Variants in NEGR1 observed in about 807,000 individuals in gnomAD.
NEGR1 encodes the protein IgLON family member 4.
In NEGR1, 10 loss-of-function variants were observed where a neutral mutation model predicts 40.9. That is an observed-to-expected ratio of 0.24 (90% confidence interval 0.15 to 0.42). The LOEUF (loss-of-function observed/expected upper bound fraction) is 0.42. NEGR1 is among the 10% of genes least tolerant of loss of function. The pLI, the probability that NEGR1 is intolerant of heterozygous loss-of-function variation, is 1.00. For synonymous variants in NEGR1, 185 were observed against 166.8 expected (o/e 1.11, Z -0.84); for missense variants, 352 against 438.9 (o/e 0.80, Z 1.77).
chr1:71,409,978 G>T (rs376245397), intron 6 of NEGR1, among the ~76,000 whole-genome samples: 7 of 152,118 alleles, frequency 4.6e-5, no homozygotes, highest in African/African-American at 1.7e-4. Context: ...AATAAGATAT[G>T]TATGATCCTT....
intron 1 of NEGR1, among the ~76,000 whole-genome samples, chr1:72,190,818 CTAAA>C (rs1258716357): frequency 2.0e-5 from 3 of 151,476 alleles, no homozygotes; most frequent in South Asian, 2.1e-4. Context: ...GGGAACATAA[CTAAA>C]TAATTTTTGA....
rs1472017297 is a variant in NEGR1 at position 72,149,499 on chromosome 1, CA to C, written c.176+132819del. Among the ~76,000 whole-genome samples, 3 of 152,116 alleles carry C rather than the reference CA, an allele frequency of 2.0e-5. No individual in the cohort carries two copies. In the East Asian group the frequency reaches 5.8e-4, roughly 29 times the overall value. ...TATTATACACTAAATTTAAAATAGA[CA>C]TTGAGATATAGTCTATTTTAACACA... is the stretch of plus-strand genomic sequence containing the variant. On this transcript the variant is annotated intron_variant, in intron 1 of 6. Transcript: ENST00000357731.
chr1:71,593,597 CTT>C (rs1049568852), intron 5 of NEGR1, among the ~76,000 whole-genome samples: 3 of 152,184 alleles, frequency 2.0e-5, no homozygotes, highest in Non-Finnish European at 2.9e-5. Flanking sequence ...CATGGAAAGA[CTT>C]TAAAACTCTC....
At chr1:71,839,961 A>G (rs1391357759) in intron 2 of NEGR1, among the ~76,000 whole-genome samples, 3 of 152,186 alleles carry the variant, frequency 2.0e-5, no homozygotes, top group African/African-American at 7.2e-5. Context: ...TCTTACTAGT[A>G]TTAGAATAAT....
At chr1:71,887,123 T>A (rs1485604468) in intron 2 of NEGR1, among the ~76,000 whole-genome samples, 1 of 152,164 alleles carries the variant, frequency 6.6e-6, no homozygotes, top group East Asian at 1.9e-4. Flanking sequence ...CTAGAAAAAA[T>A]AAAATTTTAT....
In NEGR1 at chr1:71,505,617, GA is replaced by G. The variant is rs549528702; in HGVS notation, c.940+87199del. The stretch of plus-strand genomic sequence containing the variant: ...CTTTAGTAAGATAGTCCTATAAACA[GA>G]AGTGGTTCAGTGTGGTGGATCTAAA... On this transcript the variant is annotated intron_variant, in intron 6 of 6. Coordinates refer to ENST00000357731, the MANE Select transcript of NEGR1 (RefSeq NM_173808.3). 4.5e-3 allele frequency among the ~76,000 whole-genome samples: 682 copies of G among 152,332 alleles called. 7 individuals are homozygous for G. Among genetic ancestry groups the G allele is most frequent in the African/African-American group, 0.016 (662 of 41,582 alleles).
At chr1:71,631,844 A>AT (rs1650980708) in intron 4 of NEGR1, among the ~76,000 whole-genome samples, 1 of 151,886 alleles carries the variant, frequency 6.6e-6, no homozygotes, top group East Asian at 1.9e-4. Context: ...AACAAGAAAG[A>AT]TTTTTTTGAA....
At chr1:72,229,519 T>C (rs541286259) in intron 1 of NEGR1, among the ~76,000 whole-genome samples, 263 of 149,856 alleles carry the variant, frequency 1.8e-3, no homozygotes, top group Non-Finnish European at 2.7e-3. Context: ...AAATTTTTAT[T>C]GCAAAAACAG....
At chr1:72,235,804 G>A (rs1654526142) in intron 1 of NEGR1, among the ~76,000 whole-genome samples, 2 of 151,944 alleles carry the variant, frequency 1.3e-5, no homozygotes, top group Admixed American at 6.6e-5. Flanking sequence ...AAACAGTTAA[G>A]AATTTGGAGA....
intron 4 of NEGR1, among the ~76,000 whole-genome samples, chr1:71,684,008 C>T (rs546558843): frequency 3.9e-5 from 6 of 152,174 alleles, no homozygotes; most frequent in African/African-American, 9.6e-5. Context: ...CAGTGGCTCA[C>T]GCCTGTAATC....
intron 1 of NEGR1, among the ~76,000 whole-genome samples, chr1:72,278,543 C>T (rs1656136558): frequency 6.6e-6 from 1 of 151,938 alleles, no homozygotes; most frequent in African/African-American, 2.4e-5. Context: ...ATTAAAGTGA[C>T]TGCAAAATGA....
At chr1:71,905,789 C>T (rs2101867869) in intron 2 of NEGR1, among the ~76,000 whole-genome samples, 2 of 150,196 alleles carry the variant, frequency 1.3e-5, no homozygotes, top group South Asian at 2.1e-4. Context: ...CACATTATTC[C>T]TATAGGTCAG....
chr1:71,831,463 G>A (rs1461893179), intron 2 of NEGR1, among the ~76,000 whole-genome samples: 1 of 151,902 alleles, frequency 6.6e-6, no homozygotes, highest in Admixed American at 6.6e-5. Flanking sequence ...TTAGAGTTAA[G>A]CATTTTAAAA....
intron 2 of NEGR1, among the ~76,000 whole-genome samples, chr1:71,820,566 G>A (rs950349080): frequency 2.0e-5 from 3 of 151,916 alleles, no homozygotes; most frequent in Non-Finnish European, 2.9e-5. Flanking sequence ...GGCATATAGG[G>A]GACATATGAC....
chr1:71,447,675 G>C (rs1646592222), intron 6 of NEGR1, among the ~76,000 whole-genome samples: 1 of 152,108 alleles, frequency 6.6e-6, no homozygotes, highest in South Asian at 2.1e-4. Context: ...GTACTGCCCA[G>C]TGTTTGAACG....
At chr1:72,085,165 T>C (rs1303049096) in intron 1 of NEGR1, among the ~76,000 whole-genome samples, 2 of 152,168 alleles carry the variant, frequency 1.3e-5, no homozygotes, top group Admixed American at 6.5e-5. Flanking sequence ...AGGTAATATG[T>C]TTTTATTAGA....
intron 5 of NEGR1, among the ~76,000 whole-genome samples, chr1:71,597,319 T>C (rs1042411052): frequency 6.6e-6 from 1 of 151,718 alleles, no homozygotes; most frequent in Non-Finnish European, 1.5e-5. Context: ...AGGACCATAG[T>C]TCTACCTGAA....
At chr1:71,894,214 A>C (rs1235637032) in intron 2 of NEGR1, among the ~76,000 whole-genome samples, 2 of 148,488 alleles carry the variant, frequency 1.3e-5, no homozygotes, top group Non-Finnish European at 3.0e-5. Flanking sequence ...CTAAAACTTA[A>C]AGTATAATAA....
intron 1 of NEGR1, among the ~76,000 whole-genome samples, chr1:72,261,252 A>C (rs1259945224): frequency 2.0e-5 from 3 of 152,106 alleles, no homozygotes; most frequent in Non-Finnish European, 4.4e-5. Flanking sequence ...TTGTCACTTA[A>C]GTTCATAACC....
Sources: allele counts gnomAD v4.1 joint callset (sites outside exome capture counted in the v4.1 genomes callset), GRCh38; gene constraint gnomAD v4.1.1; transcripts MANE v1.5; gene names NCBI Gene and HGNC (gene_info 2026-07-23, HGNC 2026-07-21).